The following TBC1D22A variants were observed in gnomAD, a reference collection of about 807,000 sequenced individuals.
TBC1D22A encodes the protein TBC1 domain family member 22A, also known as putative GTPase activator.
Under a neutral mutation model 60.2 loss-of-function variants are expected in TBC1D22A, and 38 were observed. That is an observed-to-expected ratio of 0.63 (90% CI 0.49 to 0.83). The LOEUF (loss-of-function observed/expected upper bound fraction) is 0.83. Among genes scored for constraint, TBC1D22A ranks in the 40% least tolerant of loss-of-function variants. The pLI, the probability that TBC1D22A is intolerant of heterozygous loss-of-function variation, is 0.00. For missense variants in TBC1D22A, 628 were observed against 701.0 expected (o/e 0.90, Z 1.18); for synonymous variants, 302 against 281.7 (o/e 1.07, Z -0.72).
chr22:46,898,975 C>G (rs2068833782), intron 7 of TBC1D22A, among the ~76,000 whole-genome samples: 1 of 152,142 alleles, frequency 6.6e-6, no homozygotes, highest in African/African-American at 2.4e-5. Context: ...GGTGCTGATC[C>G]TCTCCAGGTC....
chr22:47,049,649 C>T (rs2063144566), intron 11 of TBC1D22A, among the ~76,000 whole-genome samples: 1 of 152,146 alleles, frequency 6.6e-6, no homozygotes, highest in East Asian at 1.9e-4. Flanking sequence ...TAAAACATAA[C>T]ACAAATCAAA....
chr22:46,889,956 C>T (rs1465912994), intron 5 of TBC1D22A, among the ~76,000 whole-genome samples: 1 of 152,178 alleles, frequency 6.6e-6, no homozygotes, highest in Non-Finnish European at 1.5e-5. Context: ...AAACTGATTG[C>T]TTAAAATGGG....
intron 8 of TBC1D22A, among the ~76,000 whole-genome samples, chr22:46,931,629 G>C (rs889350924): frequency 6.6e-6 from 1 of 152,194 alleles, no homozygotes; most frequent in African/African-American, 2.4e-5. Context: ...TGGTTGGGAG[G>C]CGGCACCTTT....
chr22:47,018,592 T>C (rs1298180234), intron 10 of TBC1D22A, among the ~76,000 whole-genome samples: 2 of 152,170 alleles, frequency 1.3e-5, no homozygotes, highest in Non-Finnish European at 2.9e-5. Flanking sequence ...TGTTGGTGGC[T>C]GTTTAGTGAA....
chr22:47,073,132 G>A (rs1031771736), intron 11 of TBC1D22A, among the ~76,000 whole-genome samples: 1 of 152,140 alleles, frequency 6.6e-6, no homozygotes, highest in Non-Finnish European at 1.5e-5. Context: ...AGGAAAAATG[G>A]TACTGAAAGA....
chr22:47,046,451 G>A (rs2063036116), intron 11 of TBC1D22A, among the ~76,000 whole-genome samples: 1 of 152,164 alleles, frequency 6.6e-6, no homozygotes, highest in African/African-American at 2.4e-5. Context: ...TTTGTGCTGG[G>A]GGAGCGCCCA....
intron 4 of TBC1D22A, among the ~76,000 whole-genome samples, chr22:46,833,672 C>G (rs964250766): frequency 1.3e-5 from 2 of 152,336 alleles, no homozygotes; most frequent in South Asian, 2.1e-4. Flanking sequence ...AAGGTGACAA[C>G]TGAGCAGAGG....
intron 12 of TBC1D22A, among the ~76,000 whole-genome samples, chr22:47,132,283 T>C (rs2147119137): frequency 6.6e-6 from 1 of 152,306 alleles, no homozygotes; most frequent in Non-Finnish European, 1.5e-5. Flanking sequence ...TCTGGCCCCG[T>C]GCCACCCCGT....
chr22:46,996,352 T>C (rs1333328331), intron 9 of TBC1D22A, among the ~76,000 whole-genome samples: 1 of 152,252 alleles, frequency 6.6e-6, no homozygotes, highest in Non-Finnish European at 1.5e-5. Flanking sequence ...CTCCCAGTGC[T>C]GGCCGGGCCA....
At chr22:46,815,019 C>T (rs1383052397) in intron 4 of TBC1D22A, among the ~76,000 whole-genome samples, 1 of 152,168 alleles carries the variant, frequency 6.6e-6, no homozygotes, top group Non-Finnish European at 1.5e-5. Flanking sequence ...CATGATTGTT[C>T]ATGGCTTTAT....
At chr22:46,854,337 C>G (rs761099695) in intron 4 of TBC1D22A, among the ~76,000 whole-genome samples, 1 of 152,146 alleles carries the variant, frequency 6.6e-6, no homozygotes, top group Non-Finnish European at 1.5e-5. Flanking sequence ...CAGTGCACGG[C>G]GCAGACACTG....
At chr22:46,793,949 G>T in intron 3 of TBC1D22A, 108 bp downstream of exon 3, 1 of 1,117,040 alleles carries the variant, frequency 9.0e-7, no homozygotes, top group Non-Finnish European at 1.3e-6. Flanking sequence ...CTCATTTGCA[G>T]CAGGCCCCCT....
chr22:47,125,883 C>T (rs2066435073), intron 12 of TBC1D22A, among the ~76,000 whole-genome samples: 1 of 152,256 alleles, frequency 6.6e-6, no homozygotes, highest in Non-Finnish European at 1.5e-5. Flanking sequence ...TGGTCAAGTA[C>T]AGGTGACTCT....
At chr22:47,054,131 C>T (rs907684666) in intron 11 of TBC1D22A, among the ~76,000 whole-genome samples, 4 of 152,212 alleles carry the variant, frequency 2.6e-5, no homozygotes, top group Non-Finnish European at 5.9e-5. Flanking sequence ...ATCCCTGACT[C>T]AAGAGCCCCC....
At chr22:46,813,375 C>T (rs2085463833) in intron 4 of TBC1D22A, among the ~76,000 whole-genome samples, 1 of 152,138 alleles carries the variant, frequency 6.6e-6, no homozygotes, top group Non-Finnish European at 1.5e-5. Flanking sequence ...ATTTAATTTA[C>T]AGTTATTTTC....
intron 4 of TBC1D22A, among the ~76,000 whole-genome samples, chr22:46,860,983 A>ATG (rs1555914625): frequency 7.9e-5 from 9 of 113,822 alleles, no homozygotes; most frequent in Admixed American, 2.5e-4. Context: ...TAATAAATTA[A>ATG]TTTTTTTTTA....
chr22:46,895,443 G>T (rs189812484), intron 7 of TBC1D22A, among the ~76,000 whole-genome samples: 1 of 151,748 alleles, frequency 6.6e-6, no homozygotes, highest in East Asian at 1.9e-4. Context: ...GTATGATCTC[G>T]GCTCACTGCC....
intron 11 of TBC1D22A, among the ~76,000 whole-genome samples, chr22:47,075,841 T>G (rs1259710697): frequency 6.6e-6 from 1 of 151,962 alleles, no homozygotes; most frequent in Non-Finnish European, 1.5e-5. Context: ...GTTTTGAATT[T>G]TATAAATGGA....
At chr22:46,766,526 T>C (rs1486174706) in intron 1 of TBC1D22A, among the ~76,000 whole-genome samples, 1 of 152,124 alleles carries the variant, frequency 6.6e-6, no homozygotes, top group African/African-American at 2.4e-5. Flanking sequence ...AAGGGATCTT[T>C]CAGATAGTTC....
Sources: allele counts gnomAD v4.1 joint callset (sites outside exome capture counted in the v4.1 genomes callset), GRCh38; gene constraint gnomAD v4.1.1; transcripts MANE v1.5; gene names NCBI Gene and HGNC (gene_info 2026-07-23, HGNC 2026-07-21).